Variants in LAMA5 observed in about 807,000 individuals in gnomAD.
LAMA5 encodes laminin subunit alpha 5.
A neutral mutation model predicts 433.4 loss-of-function variants in LAMA5; 260 were observed. That is an observed-to-expected ratio of 0.60 (90% confidence interval 0.54 to 0.66). The LOEUF (loss-of-function observed/expected upper bound fraction) is 0.66. LAMA5 is among the 30% of genes least tolerant of loss of function. LAMA5 has a pLI of 0.00. For missense variants in LAMA5, 5,378 were observed against 5,258.5 expected, an observed-to-expected ratio of 1.02 and a Z score of -0.70; for synonymous variants, 2,620 against 2,226.6, an observed-to-expected ratio of 1.18 and a Z score of -4.97.
In LAMA5 at chr20:62,310,240, T is replaced by G. The variant is rs746349345; in HGVS notation, c.10672A>C (p.Ile3558Leu). 93 of 1,612,310 alleles carry G rather than the reference T, an allele frequency of 5.8e-5. No individual in the cohort carries two copies. The highest frequency in any genetic ancestry group is 7.5e-5 in the Non-Finnish European group (89 of 1,179,880). The change falls in exon 77 of 80, where the codon ATC becomes CTC. Residue 3558 changes from isoleucine to leucine, a missense_variant. Coordinates refer to ENST00000252999, the MANE Select transcript of LAMA5 (RefSeq NM_005560.6). The stretch of plus-strand genomic sequence containing the variant: ...GTCCGGGCCTGGCCCAAGTGGAAGA[T>G]CAGTCCGGTGACTGCCAGGGGCCGC... Reference protein sequence around the residue: ...EVRPLAVTGLIFHLGQARTPP... With the variant: ...EVRPLAVTGLLFHLGQARTPP...
intron 2 of LAMA5, among the ~76,000 whole-genome samples, chr20:62,360,835 T>G (rs1354112906): frequency 6.6e-6 from 1 of 151,970 alleles, no homozygotes; most frequent in Non-Finnish European, 1.5e-5. Context: ...AGGCCTGAAG[T>G]TTCCAGCCCA....
At chr20:62,340,213 G>A (rs1452796914) in intron 11 of LAMA5, among the ~76,000 whole-genome samples, 1 of 151,858 alleles carries the variant, frequency 6.6e-6, no homozygotes, top group Non-Finnish European at 1.5e-5. Context: ...AAGACTGGAT[G>A]GAGATACATA....
chr20:62,321,444 C>T (rs183688920), intron 48 of LAMA5, among the ~76,000 whole-genome samples: 1 of 794 alleles, frequency 1.3e-3, no homozygotes. Flanking sequence ...GTAGGGCCAG[C>T]AGAGGGGTAG....
intron 11 of LAMA5, among the ~76,000 whole-genome samples, chr20:62,343,463 AAC>A (rs1294296787): frequency 2.0e-5 from 3 of 152,170 alleles, no homozygotes; most frequent in African/African-American, 7.2e-5. Flanking sequence ...TCAGGAGAAA[AAC>A]ACACAACTTA....
rs746800398 is a variant in LAMA5, at chr20:62,346,581, C to T, written c.1207G>A (p.Val403Ile). The T allele has an allele frequency of 1.3e-5, 21 of 1,589,558 alleles. No individual in the cohort carries two copies. Among genetic ancestry groups the T allele is most frequent in the Middle Eastern group, 1.6e-4 (1 of 6,064 alleles). The change falls in exon 9 of 80, where the codon GTC becomes ATC. Residue 403 changes from valine to isoleucine, a missense_variant. Val to Ile is a conservative substitution (Grantham distance 29). Transcript: ENST00000252999. ...CCGGGCAGGCAGCGCTCACAGTTGA[C>T]GCCGGTGGTGTGGTGCTGGGAGTGC... ...CIDCQHHTTG[V>I]NCERCLPGFY...
At position 62,334,516 on chromosome 20, in the gene LAMA5, AC is replaced by A; in HGVS notation, c.2582+5del. The A allele has an allele frequency of 6.5e-7, 1 of 1,546,570 alleles. No individual in the cohort carries two copies. Reference sequence around the variant, plus strand: ...CCCCACCACCCAGTGGGGAAGGGGTACCCACTCGCTGCAGGTGGGGCCCTGG... The same window carrying A: ...CCCCACCACCCAGTGGGGAAGGGGTACCACTCGCTGCAGGTGGGGCCCTGG... On this transcript the variant is annotated splice_donor_5th_base_variant and intron_variant, in intron 21 of 79. Coordinates refer to ENST00000252999, the MANE Select transcript of LAMA5 (RefSeq NM_005560.6).
Position 62,352,279 on chromosome 20 carries a change from G to C in LAMA5, c.650C>G (p.Thr217Ser). ...ITRDDAAICT[T>S]EYSRIVPLEN... ...CAGGGGCACGATGCGTGAGTACTCG[G>C]TGGTGCAGATGGCCGCGTCGTCCCG... Residue 217 changes from threonine to serine, a missense_variant, in exon 4 of 80, where the codon ACC becomes AGC. Coordinates refer to ENST00000252999, the MANE Select transcript of LAMA5 (RefSeq NM_005560.6). 6.2e-7 allele frequency: 1 copy of C among 1,600,246 alleles called. No homozygotes were observed. Among genetic ancestry groups the C allele is most frequent in the Non-Finnish European group, 8.5e-7 (1 of 1,179,700 alleles).
Position 62,312,736 on chromosome 20 carries a change from C to T in LAMA5, c.9123G>A (p.Val3041=), listed in dbSNP as rs368713787. The T allele has an allele frequency of 2.5e-6, 4 of 1,595,088 alleles. No homozygotes were observed. Among genetic ancestry groups the T allele is most frequent in the Non-Finnish European group, 2.6e-6 (3 of 1,172,166 alleles). The change falls in exon 67 of 80, where the codon GTG becomes GTA. Residue 3041 remains valine (V), a synonymous_variant. Transcript: ENST00000252999. ...LLGGSRKRVL[V]RVERATVYSV... Reference sequence around the variant, plus strand: ...TGTACACCGTGGCCCGCTCCACACGCACCAGCACACGCTTGCGGCTGCCCC... The same window carrying T: ...TGTACACCGTGGCCCGCTCCACACGTACCAGCACACGCTTGCGGCTGCCCC...
In LAMA5 at chr20:62,309,273, G is replaced by C; in HGVS notation, c.*63C>G. ...GAGTCCAAATAGACACCTATGAGGCGAGCACAAGGGGCGGTGTGAGGCAGC... is the reference window on the plus strand; with the variant it reads ...GAGTCCAAATAGACACCTATGAGGCCAGCACAAGGGGCGGTGTGAGGCAGC... On this transcript the variant is annotated 3_prime_UTR_variant, in exon 80 of 80. Transcript: ENST00000252999. 1 of 1,534,242 alleles carries C rather than the reference G, an allele frequency of 6.5e-7. No individual in the cohort carries two copies. The highest frequency in any genetic ancestry group is 1.2e-5 in the South Asian group (1 of 85,846).
At chr20:62,330,712 C>A (rs1265454599) in intron 30 of LAMA5, 31 bp downstream of exon 30, 5 of 1,555,496 alleles carry the variant, frequency 3.2e-6, no homozygotes, top group Non-Finnish European at 4.3e-6. Flanking sequence ...TGCCCTGACA[C>A]CCCCGTCCCT....
chr20:62,358,979 C>T (rs1166385429), intron 2 of LAMA5, among the ~76,000 whole-genome samples: 2 of 152,158 alleles, frequency 1.3e-5, no homozygotes, highest in Non-Finnish European at 1.5e-5. Context: ...ACCAATACTT[C>T]TAGCCTCATG....
rs750388907 is a variant in LAMA5, at chr20:62,331,061, G to A, written c.3621C>T (p.Ile1207=). The change falls in exon 29 of 80, where the codon ATC becomes ATT. Residue 1207 remains isoleucine (I), a synonymous_variant. Coordinates refer to ENST00000252999, the MANE Select transcript of LAMA5 (RefSeq NM_005560.6). ...TGGGGCCAAAGGCGCCGTGGCTGCTGATGCAGCTGACCCGGGGCTCCACGA... is the reference window on the plus strand; with the variant it reads ...TGGGGCCAAAGGCGCCGTGGCTGCTAATGCAGCTGACCCGGGGCTCCACGA... ...PEFVEPRVSC[I]SSHGAFGPNS... 26 of 1,603,702 alleles carry A rather than the reference G, an allele frequency of 1.6e-5. No individual in the cohort carries two copies. The East Asian group carries it at 4.3e-4, about 26-fold the overall frequency.
At chr20:62,354,919 G>A (rs1984941407) in intron 2 of LAMA5, among the ~76,000 whole-genome samples, 2 of 152,192 alleles carry the variant, frequency 1.3e-5, no homozygotes, top group Non-Finnish European at 1.5e-5. Context: ...GGGAGGCGGA[G>A]GAAACACGAA....
Position 62,311,690 on chromosome 20 carries a change from G to A in LAMA5, c.9730C>T (p.Leu3244Phe). 1 of 1,580,764 alleles carries A rather than the reference G, an allele frequency of 6.3e-7. No homozygotes were observed. The highest frequency in any genetic ancestry group is 8.6e-7 in the Non-Finnish European group (1 of 1,164,384). The change falls in exon 71 of 80, where the codon CTC becomes TTC. Residue 3244 changes from leucine to phenylalanine, a missense_variant. By Grantham distance (22) the Leu-to-Phe change is conservative (BLOSUM62 0). Transcript: ENST00000252999. ...LQPQPEGPPR[L>F]LLGGLPESGT... ...GACTCAGGCAGGCCTCCCAGGAGGA[G>A]CCTCGGGGGCCCCTCAGGCTGCGGC...
In LAMA5 at chr20:62,311,066, G is replaced by GC; in HGVS notation, c.10116dup (p.Arg3373AlafsTer170). ...AAGAGGAGGAGGCCTCGGGAGCTTC[G>GC]CGGGAGGACGTGCATGGAGAGACTG... On this transcript the variant is annotated frameshift_variant, in exon 74 of 80. Transcript: ENST00000252999. LOFTEE classifies it high-confidence loss of function. The GC allele has an allele frequency of 6.3e-7, 1 of 1,594,570 alleles. No individual in the cohort carries two copies. The highest frequency in any genetic ancestry group is 8.5e-7 in the Non-Finnish European group (1 of 1,170,518).
rs553300545 is a variant in LAMA5, at chr20:62,362,429, C to T, written c.421G>A (p.Glu141Lys). The change falls in exon 2 of 80, where the codon GAG becomes AAG. Residue 141 changes from glutamate (E) to lysine (K), a missense_variant. Transcript: ENST00000252999. The stretch of plus-strand genomic sequence containing the variant: ...CCCAGGTCCAGGGTGACGTTGACCT[C>T]GTTGTACTCCAGGCCGCGGGACAGC... Reference protein sequence around the residue: ...PPLSRGLEYNEVNVTLDLGQV... With the variant: ...PPLSRGLEYNKVNVTLDLGQV... The T allele has an allele frequency of 5.1e-6, 8 of 1,576,878 alleles. No individual in the cohort carries two copies. The highest frequency in any genetic ancestry group is 3.5e-5 in the Admixed American group (2 of 56,822).
At chr20:62,319,040 T>C (rs1209289875) in intron 51 of LAMA5, 27 bp from the exon 52 acceptor site, 6 of 1,521,292 alleles carry the variant, frequency 3.9e-6, no homozygotes, top group Non-Finnish European at 4.4e-6. Context: ...CGTCAGAGCC[T>C]GGGGCCGCCC....
chr20:62,314,178 A>G (rs2146056415), intron 62 of LAMA5, 126 bp downstream of exon 62: 2 of 1,230,758 alleles, frequency 1.6e-6, no homozygotes, highest in East Asian at 2.3e-5. Flanking sequence ...GGGCACGGAG[A>G]GGCGAGGGGT....
chr20:62,343,413 G>A (rs963581107), intron 11 of LAMA5, among the ~76,000 whole-genome samples: 2 of 152,132 alleles, frequency 1.3e-5, no homozygotes, highest in South Asian at 2.1e-4. Flanking sequence ...ATCAGGACAC[G>A]GAAAAAAGCT....
Sources: gnomAD v4.1 joint callset for allele counts (sites outside exome capture counted in the v4.1 genomes callset) on GRCh38, gnomAD v4.1.1 for gene constraint, MANE v1.5 for transcripts, NCBI Gene and HGNC (gene_info 2026-07-23, HGNC 2026-07-21) for gene names.